The following SAMMSON variants were observed in gnomAD, a reference collection of about 807,000 sequenced individuals.
SAMMSON encodes survival associated mitochondrial melanoma specific oncogenic non-coding RNA.
chr3:70,158,344 A>G (rs2067600433), intron 4 of SAMMSON, among the ~76,000 whole-genome samples: 1 of 152,060 alleles, frequency 6.6e-6, no homozygotes, highest in Admixed American at 6.6e-5. Flanking sequence ...ACTGAGCATA[A>G]TGTTTTTGAG....
At chr3:70,137,939 G>A (rs6549273) in intron 4 of SAMMSON, among the ~76,000 whole-genome samples, 150,377 of 152,286 alleles carry the variant, frequency 0.99, 74,274 homozygotes, top group East Asian at 1. Context: ...CAGTTTTTAA[G>A]TATATAGCTT....
chr3:70,171,557 T>C (rs1311115222), intron 4 of SAMMSON, among the ~76,000 whole-genome samples: 1 of 151,816 alleles, frequency 6.6e-6, no homozygotes, highest in African/African-American at 2.4e-5. Context: ...TTGGCTGAAA[T>C]AATTTTGAAA....
At chr3:70,320,128 C>T (rs1702526143) in intron 7 of SAMMSON, among the ~76,000 whole-genome samples, 1 of 151,960 alleles carries the variant, frequency 6.6e-6, no homozygotes. Context: ...TGAGGACCAG[C>T]AAACAGGAAT....
At chr3:70,062,000 A>T (rs2067192128) in intron 3 of SAMMSON, among the ~76,000 whole-genome samples, 1 of 152,072 alleles carries the variant, frequency 6.6e-6, no homozygotes, top group Non-Finnish European at 1.5e-5. Flanking sequence ...TCTCTGCAGT[A>T]TTTTTGATCC....
At chr3:70,034,853 A>C (rs889079340) in intron 3 of SAMMSON, among the ~76,000 whole-genome samples, 2 of 152,110 alleles carry the variant, frequency 1.3e-5, no homozygotes, top group Non-Finnish European at 2.9e-5. Flanking sequence ...CAAAAAAAGG[A>C]AACAAACAAA....
chr3:70,181,766 A>G (rs1701054921), intron 4 of SAMMSON, among the ~76,000 whole-genome samples: 1 of 152,214 alleles, frequency 6.6e-6, no homozygotes, highest in Non-Finnish European at 1.5e-5. Context: ...ATGTTTAGAC[A>G]TTTTCACACT....
At chr3:70,056,897 GC>G (rs1213625647) in intron 3 of SAMMSON, among the ~76,000 whole-genome samples, 2 of 151,844 alleles carry the variant, frequency 1.3e-5, no homozygotes, top group South Asian at 4.1e-4. Context: ...TTGAAAAAAA[GC>G]CTAATCTATA....
chr3:70,057,396 T>A (rs1203249579), intron 3 of SAMMSON, among the ~76,000 whole-genome samples: 2 of 152,094 alleles, frequency 1.3e-5, no homozygotes, highest in Non-Finnish European at 2.9e-5. Flanking sequence ...AATTTTGGAT[T>A]ATTCTCGTGG....
chr3:70,249,743 A>G (rs1361150131), intron 6 of SAMMSON: 1 of 152,184 alleles, frequency 6.6e-6, no homozygotes, highest in Non-Finnish European at 1.5e-5. Flanking sequence ...TATGGCGCGA[A>G]GCCTGTTTGC....
intron 4 of SAMMSON, among the ~76,000 whole-genome samples, chr3:70,166,281 G>A (rs1351598733): frequency 6.6e-6 from 1 of 151,994 alleles, no homozygotes; most frequent in Non-Finnish European, 1.5e-5. Context: ...CAGTGAAAAT[G>A]TATGTACTGG....
At chr3:70,225,223 A>G (rs958966844) in intron 4 of SAMMSON, among the ~76,000 whole-genome samples, 17 of 152,216 alleles carry the variant, frequency 1.1e-4, no homozygotes, top group Non-Finnish European at 1.8e-4. Flanking sequence ...AGAGAAATGT[A>G]TAATACTGAT....
At chr3:70,289,127 G>A (rs144707914) in intron 6 of SAMMSON, among the ~76,000 whole-genome samples, 2,782 of 150,982 alleles carry the variant, frequency 0.018, 120 homozygotes, top group East Asian at 0.15. Flanking sequence ...GATTTTGCTC[G>A]TTAGTTGATG....
chr3:70,394,769 C>T (rs771077843), downstream of SAMMSON, among the ~76,000 whole-genome samples: 5 of 152,112 alleles, frequency 3.3e-5, no homozygotes, highest in Non-Finnish European at 5.9e-5. Flanking sequence ...CGACATCAAT[C>T]CTTATAAACC....
chr3:70,012,564 G>T (rs751987843), exon 2 of SAMMSON: 1 of 152,166 alleles, frequency 6.6e-6, no homozygotes, highest in African/African-American at 2.4e-5. Context: ...CAGCCCTGCT[G>T]ACCCACTGTA....
At chr3:70,032,784 C>A (rs2067070823) in intron 3 of SAMMSON, among the ~76,000 whole-genome samples, 1 of 152,188 alleles carries the variant, frequency 6.6e-6, no homozygotes, top group African/African-American at 2.4e-5. Flanking sequence ...GGGAAGAGAG[C>A]ACTAAGCCAA....
At chr3:70,197,347 A>C (rs1239354368) in intron 4 of SAMMSON, among the ~76,000 whole-genome samples, 1 of 152,134 alleles carries the variant, frequency 6.6e-6, no homozygotes, top group Non-Finnish European at 1.5e-5. Context: ...CCCCACCCCC[A>C]TGTCAGTACT....
chr3:70,107,883 T>C (rs550503213), intron 4 of SAMMSON, among the ~76,000 whole-genome samples: 1 of 152,222 alleles, frequency 6.6e-6, no homozygotes, highest in Admixed American at 6.5e-5. Context: ...TCCTGCAATG[T>C]GTTAGGTGAG....
chr3:70,360,385 A>T (rs945599443), intron 9 of SAMMSON, among the ~76,000 whole-genome samples: 14 of 152,166 alleles, frequency 9.2e-5, no homozygotes, highest in Admixed American at 2.0e-4. Context: ...TATGGACATT[A>T]ATTCTTTTGC....
At chr3:70,335,844 A>G (rs1702656053) in intron 7 of SAMMSON, among the ~76,000 whole-genome samples, 1 of 152,030 alleles carries the variant, frequency 6.6e-6, no homozygotes, top group Non-Finnish European at 1.5e-5. Context: ...GATTTGAAAT[A>G]TGATATTAAT....
Sources: gnomAD v4.1 joint callset for allele counts (sites outside exome capture counted in the v4.1 genomes callset) on GRCh38, gnomAD v4.1.1 for gene constraint, MANE v1.5 for transcripts, NCBI Gene and HGNC (gene_info 2026-07-23, HGNC 2026-07-21) for gene names.